FHIT: variants seen among roughly 807,000 people sequenced by gnomAD.
The protein encoded by FHIT is bis(5'-adenosyl)-triphosphatase.
FHIT carries 19 observed loss-of-function variants against 17.9 expected under a neutral mutation model. The ratio of observed to expected loss-of-function variants is 1.06; its 90% CI spans 0.74 to 1.56. The LOEUF is 1.56. FHIT is among the 40% of genes most tolerant of loss of function. FHIT has a pLI of 0.00. For synonymous variants in FHIT, 81 were observed against 69.7 expected (o/e 1.16, Z -0.81); for missense variants, 248 against 189.2 (o/e 1.31, Z -1.82).
chr3:59,975,713 C>T (rs1407995174), intron 7 of FHIT, among the ~76,000 whole-genome samples: 1 of 152,048 alleles, frequency 6.6e-6, no homozygotes, highest in Non-Finnish European at 1.5e-5. Flanking sequence ...TAAAAAGACT[C>T]ATCCTGGAGA....
At chr3:60,286,359 T>C (rs144267830) in intron 5 of FHIT, among the ~76,000 whole-genome samples, 1 of 152,310 alleles carries the variant, frequency 6.6e-6, no homozygotes, top group African/African-American at 2.4e-5. Flanking sequence ...GTTGCAAATA[T>C]TTTTCCCTCA....
chr3:61,139,681 A>G (rs577750904), intron 2 of FHIT, among the ~76,000 whole-genome samples: 4 of 152,342 alleles, frequency 2.6e-5, no homozygotes, highest in East Asian at 3.9e-4. Flanking sequence ...AGACGCTTCA[A>G]TAAATTTTGC....
At chr3:59,877,197 C>T (rs1409116237) in intron 8 of FHIT, among the ~76,000 whole-genome samples, 1 of 152,188 alleles carries the variant, frequency 6.6e-6, no homozygotes, top group Non-Finnish European at 1.5e-5. Flanking sequence ...GTGGAACTAT[C>T]CTACCCTTAA....
chr3:61,155,747 A>T (rs1405447470), intron 2 of FHIT, among the ~76,000 whole-genome samples: 10 of 152,208 alleles, frequency 6.6e-5, no homozygotes, highest in Non-Finnish European at 2.9e-5. Context: ...GCAGGTAGGT[A>T]GGTAATATCT....
rs1252372395 is a variant in FHIT, at chr3:60,961,173, C to T, written c.-111+80874G>A. Among the ~76,000 whole-genome samples, 8 of 152,254 alleles carry T rather than the reference C, an allele frequency of 5.3e-5. No homozygotes were observed. In the South Asian group the frequency reaches 1.2e-3, roughly 24 times the overall value. ...CATTGTGGTTTTGATTTGCATTTCT[C>T]TGACGGCCAGTGATGATGAGCATGT... On this transcript the variant is annotated intron_variant, in intron 3 of 9. Transcript: ENST00000492590.
intron 5 of FHIT, among the ~76,000 whole-genome samples, chr3:60,221,237 G>C (rs938273063): frequency 6.6e-6 from 1 of 152,128 alleles, no homozygotes; most frequent in Non-Finnish European, 1.5e-5. Flanking sequence ...CATGGCATAT[G>C]TTATAATCAA....
intron 1 of FHIT, among the ~76,000 whole-genome samples, chr3:61,205,574 G>C (rs1007395919): frequency 2.6e-5 from 4 of 152,194 alleles, no homozygotes; most frequent in Non-Finnish European, 5.9e-5. Flanking sequence ...GATGGCCAGT[G>C]ATGGTGAGCA....
intron 4 of FHIT, among the ~76,000 whole-genome samples, chr3:60,585,935 A>C (rs2037891208): frequency 6.6e-6 from 1 of 151,934 alleles, no homozygotes; most frequent in Non-Finnish European, 1.5e-5. Context: ...ATTAATGTAC[A>C]TCAGAACTCT....
intron 8 of FHIT, among the ~76,000 whole-genome samples, chr3:59,864,549 G>A (rs983144243): frequency 1.3e-5 from 2 of 151,092 alleles, no homozygotes; most frequent in Non-Finnish European, 2.9e-5. Flanking sequence ...TTTAAATATT[G>A]GCGCTCTTCA....
intron 5 of FHIT, among the ~76,000 whole-genome samples, chr3:60,381,676 G>A (rs1455011776): frequency 4.6e-5 from 7 of 152,156 alleles, no homozygotes; most frequent in Non-Finnish European, 8.8e-5. Flanking sequence ...TTAAGCTTCT[G>A]TAAATCAGGC....
intron 5 of FHIT, among the ~76,000 whole-genome samples, chr3:60,377,224 G>T (rs1700600759): frequency 6.8e-6 from 1 of 147,068 alleles, no homozygotes; most frequent in African/African-American, 2.5e-5. Context: ...TTTTTTTAAT[G>T]GAGTTTTGCT....
chr3:60,419,556 A>G (rs968974270), intron 5 of FHIT, among the ~76,000 whole-genome samples: 10 of 152,170 alleles, frequency 6.6e-5, no homozygotes, highest in Non-Finnish European at 1.3e-4. Flanking sequence ...ACAATTCTCA[A>G]TGCAGTTTAA....
intron 1 of FHIT, among the ~76,000 whole-genome samples, chr3:61,220,042 A>G (rs563770799): frequency 2.9e-4 from 44 of 149,460 alleles, no homozygotes; most frequent in African/African-American, 1.1e-3. Flanking sequence ...CACGTTAAGG[A>G]ATTGGTTATT....
At chr3:61,209,311 T>G (rs1241527958) in intron 1 of FHIT, among the ~76,000 whole-genome samples, 12 of 152,174 alleles carry the variant, frequency 7.9e-5, no homozygotes, top group Admixed American at 7.9e-4. Flanking sequence ...TTGCTCTTCT[T>G]GAGGAGTATC....
chr3:60,208,749 A>T (rs374158526), intron 5 of FHIT, among the ~76,000 whole-genome samples: 2 of 152,222 alleles, frequency 1.3e-5, no homozygotes, highest in Non-Finnish European at 2.9e-5. Context: ...GAAAGAAAAT[A>T]ATCACCAGGA....
At chr3:60,332,856 G>A (rs900659061) in intron 5 of FHIT, among the ~76,000 whole-genome samples, 1 of 152,180 alleles carries the variant, frequency 6.6e-6, no homozygotes, top group East Asian at 1.9e-4. Context: ...AGCCAACTCA[G>A]AGGAAGATTT....
intron 5 of FHIT, among the ~76,000 whole-genome samples, chr3:60,279,783 G>C (rs1038389627): frequency 2.0e-5 from 3 of 152,036 alleles, no homozygotes; most frequent in Admixed American, 6.6e-5. Context: ...AACATTCCTA[G>C]CACTTTGGGA....
intron 5 of FHIT, among the ~76,000 whole-genome samples, chr3:60,405,465 C>T (rs1486717819): frequency 6.6e-6 from 1 of 152,194 alleles, no homozygotes. Flanking sequence ...TTTCAATGCT[C>T]AATGAAATTC....
intron 5 of FHIT, among the ~76,000 whole-genome samples, chr3:60,205,605 G>C (rs6795591): frequency 0.23 from 34,791 of 152,034 alleles, 4,388 homozygotes; most frequent in African/African-American, 0.33. Flanking sequence ...TCCAGGAAGA[G>C]GGAGGATAGA....
Sources: allele counts gnomAD v4.1 joint callset (sites outside exome capture counted in the v4.1 genomes callset), GRCh38; gene constraint gnomAD v4.1.1; transcripts MANE v1.5; gene names NCBI Gene and HGNC (gene_info 2026-07-23, HGNC 2026-07-21).